The following KCNMA1 variants were observed in gnomAD, a reference collection of about 807,000 sequenced individuals.
The protein encoded by KCNMA1 is potassium calcium-activated channel subfamily M alpha 1.
In KCNMA1, 29 loss-of-function variants were observed where a neutral mutation model predicts 140.0. The observed-to-expected ratio is 0.21, with a 90% confidence interval of 0.15 to 0.28. KCNMA1 has a LOEUF of 0.28. Ranked by LOEUF, KCNMA1 falls within the 10% of genes least tolerant of loss-of-function variation. The pLI is 1.00. For synonymous variants in KCNMA1, 612 were observed against 611.9 expected, an observed-to-expected ratio of 1.00 and a Z score of 0.00; for missense variants, 880 against 1,602.2, an observed-to-expected ratio of 0.55 and a Z score of 7.70.
At chr10:76,935,908 T>G (rs2060437172) in intron 23 of KCNMA1, among the ~76,000 whole-genome samples, 1 of 152,224 alleles carries the variant, frequency 6.6e-6, no homozygotes, top group Non-Finnish European at 1.5e-5. Flanking sequence ...AAGTCTTTCA[T>G]GCATGGAGGG....
At chr10:77,402,528 C>G (rs1439231995) in intron 2 of KCNMA1, among the ~76,000 whole-genome samples, 3 of 152,196 alleles carry the variant, frequency 2.0e-5, no homozygotes, top group Non-Finnish European at 4.4e-5. Context: ...CCTCGGTGAA[C>G]AGAACCTGTC....
At chr10:77,106,621 G>A (rs1235520113) in intron 9 of KCNMA1, among the ~76,000 whole-genome samples, 2 of 152,178 alleles carry the variant, frequency 1.3e-5, no homozygotes, top group South Asian at 2.1e-4. Context: ...TGACTTCTTG[G>A]GGCAGTGATT....
intron 3 of KCNMA1, among the ~76,000 whole-genome samples, chr10:77,231,343 T>C (rs1430486508): frequency 3.9e-5 from 6 of 152,228 alleles, no homozygotes; most frequent in African/African-American, 1.4e-4. Flanking sequence ...TGGCTTGGCT[T>C]TCTAAAGCGT....
chr10:77,616,716 G>T (rs1333042680), intron 1 of KCNMA1, among the ~76,000 whole-genome samples: 2 of 151,656 alleles, frequency 1.3e-5, no homozygotes, highest in African/African-American at 4.9e-5. Flanking sequence ...TGAGGCAAGA[G>T]AATCACTTGA....
intron 23 of KCNMA1, among the ~76,000 whole-genome samples, chr10:76,941,014 G>GAAAGA (rs1565057589): frequency 2.9e-3 from 81 of 28,124 alleles, no homozygotes; most frequent in African/African-American, 0.011. Flanking sequence ...AGGAAGGAAG[G>GAAAGA]AAGGAAGAAA....
chr10:77,012,438 G>A (rs1468766629), intron 17 of KCNMA1: 8 of 1,549,468 alleles, frequency 5.2e-6, no homozygotes, highest in Non-Finnish European at 7.0e-6. Context: ...CCCACAGTCT[G>A]GTCAAATATA....
At chr10:77,210,931 A>G (rs560214001) in intron 3 of KCNMA1, among the ~76,000 whole-genome samples, 1 of 152,320 alleles carries the variant, frequency 6.6e-6, no homozygotes, top group Admixed American at 6.5e-5. Flanking sequence ...AAATAAATGG[A>G]AAAACATTTC....
At chr10:77,348,056 C>A (rs535400446) in intron 2 of KCNMA1, among the ~76,000 whole-genome samples, 4 of 152,258 alleles carry the variant, frequency 2.6e-5, no homozygotes, top group South Asian at 2.1e-4. Flanking sequence ...TCCAAGTGAA[C>A]AACACATCTG....
At chr10:77,115,365 G>A (rs1191869498) in intron 6 of KCNMA1, among the ~76,000 whole-genome samples, 1 of 152,194 alleles carries the variant, frequency 6.6e-6, no homozygotes, top group Non-Finnish European at 1.5e-5. Flanking sequence ...TGTGTTAGAT[G>A]TTGTGTTAAG....
At chr10:77,201,362 C>A (rs187955408) in intron 3 of KCNMA1, among the ~76,000 whole-genome samples, 1 of 152,242 alleles carries the variant, frequency 6.6e-6, no homozygotes, top group African/African-American at 2.4e-5. Context: ...TGAAGCCAGG[C>A]CAAGTGTACA....
intron 2 of KCNMA1, among the ~76,000 whole-genome samples, chr10:77,282,216 A>G (rs2068867556): frequency 6.6e-6 from 1 of 152,112 alleles, no homozygotes; most frequent in African/African-American, 2.4e-5. Context: ...GAAAGAGAAC[A>G]ATGTGTGGGG....
In KCNMA1 at chr10:77,110,363, G is replaced by T. The variant is rs1231870908; in HGVS notation, c.961-20C>A. 1.2e-6 allele frequency: 2 copies of T among 1,606,872 alleles called. No homozygotes were observed. Among genetic ancestry groups the T allele is most frequent in the East Asian group, 4.5e-5 (2 of 44,842 alleles). ...CTCCACCTAAAGCAAATGGGACAGG[G>T]GAGAAAAAAGAAAAACATGCTATTG... On this transcript the variant is annotated intron_variant, in intron 7 of 27. Transcript: ENST00000286628.
chr10:76,974,491 C>T (rs1049179441), intron 19 of KCNMA1: 1 of 1,542,758 alleles, frequency 6.5e-7, no homozygotes, highest in Non-Finnish European at 8.8e-7. Flanking sequence ...CTTCACCTGG[C>T]TCGGTCACAA....
chr10:76,995,447 C>A (rs749998750), intron 19 of KCNMA1: 1 of 410,132 alleles, frequency 2.4e-6, no homozygotes, highest in South Asian at 1.8e-5. Context: ...TTGCTCCAAG[C>A]CTGCTCTAAT....
At position 77,257,848 on chromosome 10, in the gene KCNMA1, G is replaced by A. The variant is rs184773761; in HGVS notation, c.541-6592C>T. On this transcript the variant is annotated intron_variant, in intron 2 of 27. Transcript: ENST00000286628. ...TGTGACTTGCTCCTCCTTGCCTTCC[G>A]CCATGATTGTTAGGCCTCCCCAGCC... 3.0e-4 allele frequency among the ~76,000 whole-genome samples: 46 copies of A among 152,234 alleles called. 1 individual carries two copies. Among genetic ancestry groups the A allele is most frequent in the Admixed American group, 1.6e-3 (24 of 15,292 alleles).
chr10:77,398,472 T>C (rs570016282), intron 2 of KCNMA1, among the ~76,000 whole-genome samples: 63 of 152,372 alleles, frequency 4.1e-4, no homozygotes, highest in African/African-American at 1.4e-3. Context: ...TTTTTTCATA[T>C]GCTTGTTGGC....
intron 2 of KCNMA1, among the ~76,000 whole-genome samples, chr10:77,366,194 G>A (rs999754661): frequency 9.2e-5 from 13 of 141,550 alleles, no homozygotes; most frequent in African/African-American, 2.7e-4. Context: ...TTGAGATCAC[G>A]TTTCTGTCTT....
chr10:76,914,961 G>A lies in KCNMA1; in HGVS notation c.2991C>T (p.Val997=). The part of the protein sequence containing the change: ...MLRQPSITTG[V]NIPIITELVN... ...CTAGTTCAGTGATGATGGGGATGTT[G>A]ACCCCAGTTGTGATGGATGGTTGAC... is the stretch of plus-strand genomic sequence containing the variant. The change falls in exon 24 of 28, where the codon GTC becomes GTT. Residue 997 remains valine, a synonymous_variant. Coordinates refer to ENST00000286628, the MANE Select transcript of KCNMA1 (RefSeq NM_001161352.2). 6.2e-7 allele frequency: 1 copy of A among 1,612,886 alleles called. No individual in the cohort carries two copies. Among genetic ancestry groups the A allele is most frequent in the South Asian group, 1.1e-5 (1 of 91,022 alleles).
At chr10:77,574,635 T>C (rs71475666) in intron 1 of KCNMA1, among the ~76,000 whole-genome samples, 6,112 of 152,346 alleles carry the variant, frequency 0.04, 173 homozygotes, top group Non-Finnish European at 0.059. Flanking sequence ...ATTTATCTAA[T>C]CTCTGAGCCT....
Sources: allele counts gnomAD v4.1 joint callset (sites outside exome capture counted in the v4.1 genomes callset), GRCh38; gene constraint gnomAD v4.1.1; transcripts MANE v1.5; gene names NCBI Gene and HGNC (gene_info 2026-07-23, HGNC 2026-07-21).